Variants in EFR3A observed in about 807,000 individuals in gnomAD.
The protein encoded by EFR3A is protein EFR3 homolog A.
In EFR3A, 76 loss-of-function variants were observed where a neutral mutation model predicts 104.4. That is an observed-to-expected ratio of 0.73 (90% CI 0.60 to 0.88). The LOEUF is 0.88. EFR3A is among the 40% of genes least tolerant of loss of function. The pLI is 0.00. For synonymous variants in EFR3A, 330 were observed against 330.0 expected (o/e 1.00, Z 0.00); for missense variants, 985 against 1,012.5 (o/e 0.97, Z 0.37).
rs184866253 is a variant in EFR3A, at chr8:131,923,305, G to A, written c.11-17194G>A. The stretch of plus-strand genomic sequence containing the variant: ...TGATCATGTATACTTTTTAAAATAA[G>A]TGATTTGAGTTTTTGTGGGTATGCA... On this transcript the variant is annotated intron_variant, in intron 1 of 22. Coordinates refer to ENST00000254624, the MANE Select transcript of EFR3A (RefSeq NM_015137.6). Among the ~76,000 whole-genome samples, 307 of 152,200 alleles carry A rather than the reference G, an allele frequency of 2.0e-3. 1 individual carries two copies. The highest frequency in any genetic ancestry group is 3.3e-3 in the Non-Finnish European group (221 of 67,980).
At chr8:131,953,598 G>A (rs1403763863) in intron 5 of EFR3A, among the ~76,000 whole-genome samples, 1 of 152,026 alleles carries the variant, frequency 6.6e-6, no homozygotes, top group African/African-American at 2.4e-5. Flanking sequence ...TTTAAATGCG[G>A]ATTTTAAGAA....
intron 1 of EFR3A, among the ~76,000 whole-genome samples, chr8:131,913,771 A>G (rs377099760): frequency 6.6e-6 from 1 of 152,180 alleles, no homozygotes. Flanking sequence ...GTTACAGTTA[A>G]CTGTAAACGA....
In EFR3A at chr8:131,968,269, T is replaced by C. The variant is rs757962849; in HGVS notation, c.856-26T>C. ...CCAAGGTACATGTACTTTTTATACA[T>C]CTTTGTACTGTTTTGTCTCCTTCAG... On this transcript the variant is annotated intron_variant, in intron 8 of 22. Coordinates refer to ENST00000254624, the MANE Select transcript of EFR3A (RefSeq NM_015137.6). 9 of 1,610,164 alleles carry C rather than the reference T, an allele frequency of 5.6e-6. No individual in the cohort carries two copies. The South Asian group carries it at 8.8e-5, about 16-fold the overall frequency.
At chr8:131,927,176 G>T (rs937997391) in intron 1 of EFR3A, among the ~76,000 whole-genome samples, 3 of 152,120 alleles carry the variant, frequency 2.0e-5, no homozygotes, top group Non-Finnish European at 2.9e-5. Context: ...AGTAGCACCT[G>T]CCTAGCTTTA....
intron 7 of EFR3A, among the ~76,000 whole-genome samples, chr8:131,956,699 T>A (rs1158390919): frequency 6.6e-6 from 1 of 152,144 alleles, no homozygotes; most frequent in African/African-American, 2.4e-5. Context: ...GAGTTCAAAG[T>A]TGAGCCTTAG....
chr8:131,977,834 A>C (rs1820403456), intron 12 of EFR3A, among the ~76,000 whole-genome samples: 1 of 152,038 alleles, frequency 6.6e-6, no homozygotes, highest in Non-Finnish European at 1.5e-5. Flanking sequence ...CAGATTTATC[A>C]GTTTTTTCTA....
At chr8:131,934,714 C>T (rs1817790367) in intron 1 of EFR3A, among the ~76,000 whole-genome samples, 1 of 151,708 alleles carries the variant, frequency 6.6e-6, no homozygotes, top group Non-Finnish European at 1.5e-5. Flanking sequence ...TTGGGTAGCT[C>T]TGTTGAGTAA....
intron 12 of EFR3A, 90 bp from the exon 13 acceptor site, chr8:131,978,757 C>T (rs1820442561): frequency 1.4e-5 from 14 of 1,015,840 alleles, no homozygotes; most frequent in Admixed American, 7.6e-5. Context: ...ATTTTCTTTC[C>T]TAAGTTTATG....
intron 1 of EFR3A, among the ~76,000 whole-genome samples, chr8:131,910,823 T>C (rs1383600623): frequency 6.6e-6 from 1 of 152,212 alleles, no homozygotes; most frequent in Non-Finnish European, 1.5e-5. Flanking sequence ...TGGATTGCAG[T>C]GAATGAATCT....
chr8:131,991,612 G>A (rs757217594), intron 18 of EFR3A, among the ~76,000 whole-genome samples: 34 of 152,080 alleles, frequency 2.2e-4, no homozygotes, highest in African/African-American at 4.8e-5. Context: ...TTTAAAAACA[G>A]CAACATAGGG....
Position 132,008,151 on chromosome 8 carries a change from C to A in EFR3A, c.2361-2639C>A, listed in dbSNP as rs1443632289. Among the ~76,000 whole-genome samples the A allele has an allele frequency of 1.6e-4, 25 of 151,954 alleles. 1 individual carries two copies. Among genetic ancestry groups the A allele is most frequent in the Admixed American group, 1.4e-3 (22 of 15,232 alleles). ...TCCAGTAAGAAAATGAAAAGGCAGA[C>A]CACAAACTCAGAAAATACAGTATAC... On this transcript the variant is annotated intron_variant, in intron 22 of 22. Coordinates refer to ENST00000254624, the MANE Select transcript of EFR3A (RefSeq NM_015137.6).
chr8:131,953,756 A>G lies in EFR3A; in HGVS notation c.489-62A>G, dbSNP rs928413871. 3.5e-6 allele frequency: 5 copies of G among 1,409,124 alleles called. No homozygotes were observed. The South Asian group carries it at 7.5e-5, about 21-fold the overall frequency. 87.3% of individuals were successfully genotyped at this position (1,409,124 alleles called of 1,614,324 possible). On this transcript the variant is annotated intron_variant, in intron 5 of 22. Transcript: ENST00000254624. ...TGATATCCATTCTCTTAGCTACGCA[A>G]ACAGTCTTGTTTAAATAATTTTTTT...
chr8:131,906,809 G>A (rs1816285671), intron 1 of EFR3A, among the ~76,000 whole-genome samples: 1 of 152,180 alleles, frequency 6.6e-6, no homozygotes, highest in African/African-American at 2.4e-5. Flanking sequence ...AGACTATGCT[G>A]CTGAATGCTG....
chr8:131,976,187 T>C, intron 11 of EFR3A, 46 bp downstream of exon 11: 1 of 1,215,380 alleles, frequency 8.2e-7, no homozygotes, highest in Non-Finnish European at 1.2e-6. Context: ...GAGTTACATT[T>C]TATCCTAACG....
chr8:132,010,444 AT>A (rs1410898821), intron 22 of EFR3A, among the ~76,000 whole-genome samples: 11 of 129,714 alleles, frequency 8.5e-5, no homozygotes, highest in Non-Finnish European at 1.5e-4. Flanking sequence ...ATATATATAT[AT>A]ATATAATGAA....
chr8:132,012,797 C>T lies in EFR3A; in HGVS notation c.*1902C>T, dbSNP rs1204234573. ...TAAAATATATATTCATTTGCACTTA[C>T]GTGAAACACAAACTTTGCTCTACAA... On this transcript the variant is annotated 3_prime_UTR_variant, in exon 23 of 23. Coordinates refer to ENST00000254624, the MANE Select transcript of EFR3A (RefSeq NM_015137.6). The T allele has an allele frequency of 3.9e-5, 6 of 152,194 alleles. No individual in the cohort carries two copies. The highest frequency in any genetic ancestry group is 2.0e-4 in the Admixed American group (3 of 15,246). The allele number at this position is 152,194 out of a possible 1,614,324, so 9.4% of individuals were successfully genotyped here.
chr8:131,937,979 A>G (rs1385281479), intron 1 of EFR3A, among the ~76,000 whole-genome samples: 1 of 152,042 alleles, frequency 6.6e-6, no homozygotes, highest in Non-Finnish European at 1.5e-5. Context: ...ACTTTTATTA[A>G]GCTAGCAATA....
At chr8:131,965,692 C>G (rs1334316425) in intron 8 of EFR3A, among the ~76,000 whole-genome samples, 2 of 151,964 alleles carry the variant, frequency 1.3e-5, no homozygotes, top group African/African-American at 4.8e-5. Flanking sequence ...ACCATTTGAC[C>G]CAGCCATCCC....
chr8:131,948,910 A>C (rs146997122), intron 4 of EFR3A, among the ~76,000 whole-genome samples: 320 of 152,234 alleles, frequency 2.1e-3, no homozygotes, highest in Non-Finnish European at 3.2e-3. Flanking sequence ...TAATTTGTTG[A>C]CATTTTCCTC....
Sources: allele counts gnomAD v4.1 joint callset (sites outside exome capture counted in the v4.1 genomes callset), GRCh38; gene constraint gnomAD v4.1.1; transcripts MANE v1.5; gene names NCBI Gene and HGNC (gene_info 2026-07-23, HGNC 2026-07-21).